Variants in PPP1R16B observed in about 807,000 individuals in gnomAD.
PPP1R16B encodes protein phosphatase 1 regulatory subunit 16B.
In PPP1R16B, 14 loss-of-function variants were observed where a neutral mutation model predicts 61.7. The observed-to-expected ratio is 0.23, with a 90% confidence interval of 0.15 to 0.35. The LOEUF (loss-of-function observed/expected upper bound fraction) is 0.35, where lower values mean the gene tolerates loss of function less well. Ranked by LOEUF, PPP1R16B falls within the 10% of genes least tolerant of loss-of-function variation. The pLI, the probability that PPP1R16B is intolerant of heterozygous loss-of-function variation, is 1.00. For missense variants in PPP1R16B, 547 were observed against 752.5 expected, an observed-to-expected ratio of 0.73 and a Z score of 3.19; for synonymous variants, 266 against 305.3, an observed-to-expected ratio of 0.87 and a Z score of 1.34.
chr20:38,881,407 C>T (rs1029616693), intron 2 of PPP1R16B, among the ~76,000 whole-genome samples: 23 of 152,174 alleles, frequency 1.5e-4, no homozygotes, highest in African/African-American at 5.1e-4. Context: ...GGCCCTTTGG[C>T]GTTATCAGAG....
chr20:38,895,890 C>T (rs1230424246), intron 4 of PPP1R16B, among the ~76,000 whole-genome samples, 180 bp downstream of exon 4: 1 of 106,160 alleles, frequency 9.4e-6, no homozygotes, highest in Non-Finnish European at 2.0e-5. Flanking sequence ...TTCTTTCTTC[C>T]CTCCCTCCCT....
chr20:38,819,916 A>T (rs2084762095), intron 1 of PPP1R16B, among the ~76,000 whole-genome samples: 1 of 151,984 alleles, frequency 6.6e-6, no homozygotes, highest in Non-Finnish European at 1.5e-5. Flanking sequence ...TGCTACCAGC[A>T]CTCCAGAAGC....
rs796846140 is a variant in PPP1R16B at position 38,906,304 on chromosome 20, T to G, written c.822+210T>G. Among the ~76,000 whole-genome samples the G allele has an allele frequency of 5.0e-3, 717 of 143,974 alleles. 8 individuals are homozygous for G. The highest frequency in any genetic ancestry group is 0.016 in the Admixed American group (237 of 14,544). The allele number at this position is 143,974 out of a possible 152,430, so 94.5% of individuals were successfully genotyped here. ...TTGTGTTTTTTTTTTTTTTTTTTTT[T>G]TTTTTTTGAGATGGAGTCTTGATCT... On this transcript the variant is annotated intron_variant, in intron 7 of 10. Coordinates refer to ENST00000299824, the MANE Select transcript of PPP1R16B (RefSeq NM_015568.4).
intron 1 of PPP1R16B, among the ~76,000 whole-genome samples, chr20:38,823,648 A>T (rs2084786518): frequency 6.6e-6 from 1 of 151,920 alleles, no homozygotes; most frequent in Non-Finnish European, 1.5e-5. Context: ...AAAAAAAAAA[A>T]GAACAAAACA....
At chr20:38,887,844 G>C (rs758187022) in intron 2 of PPP1R16B, among the ~76,000 whole-genome samples, 9 of 152,142 alleles carry the variant, frequency 5.9e-5, no homozygotes, top group Admixed American at 5.9e-4. Context: ...TCCCCTTCAC[G>C]CAGGGCCTCG....
intron 2 of PPP1R16B, 43 bp downstream of exon 2, chr20:38,836,218 C>T (rs1420354420): frequency 1.3e-6 from 2 of 1,578,400 alleles, no homozygotes; most frequent in East Asian, 4.5e-5. Flanking sequence ...CTGCCTTGGC[C>T]TCTGATCAGG....
chr20:38,815,535 G>A (rs1265339723), intron 1 of PPP1R16B, among the ~76,000 whole-genome samples: 1 of 152,172 alleles, frequency 6.6e-6, no homozygotes, highest in Non-Finnish European at 1.5e-5. Context: ...TATTCATAAG[G>A]AAAATTCCTG....
intron 2 of PPP1R16B, among the ~76,000 whole-genome samples, chr20:38,845,344 G>A (rs2084930720): frequency 6.6e-6 from 1 of 152,170 alleles, no homozygotes; most frequent in Non-Finnish European, 1.5e-5. Context: ...AGCATTGGGA[G>A]GCTGAGGTGG....
intron 2 of PPP1R16B, among the ~76,000 whole-genome samples, chr20:38,855,033 G>T (rs1487075654): frequency 1.3e-5 from 2 of 152,158 alleles, no homozygotes; most frequent in African/African-American, 4.8e-5. Context: ...TTGGAAGCCA[G>T]TGGGAAGTGA....
At chr20:38,838,277 G>A (rs1287970909) in intron 2 of PPP1R16B, 1 of 152,440 alleles carries the variant, frequency 6.6e-6, no homozygotes, top group East Asian at 1.9e-4. Flanking sequence ...CCCTGGAGAG[G>A]CCTAGCCATG....
chr20:38,835,789 C>T (rs1046971538), intron 1 of PPP1R16B, 36 bp from the exon 2 acceptor site: 2 of 1,064,074 alleles, frequency 1.9e-6, no homozygotes, highest in Non-Finnish European at 2.6e-6. Flanking sequence ...TGGAGTCTGA[C>T]ACATGTGTTC....
At chr20:38,849,851 T>C (rs1453252926) in intron 2 of PPP1R16B, among the ~76,000 whole-genome samples, 1 of 152,172 alleles carries the variant, frequency 6.6e-6, no homozygotes, top group Admixed American at 6.5e-5. Flanking sequence ...ACACGGTTGA[T>C]TTTTAACATT....
At chr20:38,900,094 A>G (rs904203594) in intron 4 of PPP1R16B, among the ~76,000 whole-genome samples, 3 of 152,196 alleles carry the variant, frequency 2.0e-5, no homozygotes, top group Admixed American at 2.0e-4. Flanking sequence ...GTGCCCGGTC[A>G]TGTCTGAGTC....
rs1351137485 is a variant in PPP1R16B at position 38,907,945 on chromosome 20, G to C, written c.1028+10G>C. ...GCGCAGGCAGCCGTGGGTGAGTCCG[G>C]GGCAGGGCAGCCAGGAGTCCCTGTG... is the stretch of plus-strand genomic sequence containing the variant. On this transcript the variant is annotated intron_variant, in intron 9 of 10. Transcript: ENST00000299824. The surrounding 1 kb of genome is among the most constrained non-coding windows in gnomAD (Gnocchi z 4.5). 1 of 1,614,118 alleles carries C rather than the reference G, an allele frequency of 6.2e-7. No homozygotes were observed. The highest frequency in any genetic ancestry group is 8.5e-7 in the Non-Finnish European group (1 of 1,180,002).
At position 38,906,356 on chromosome 20, in the gene PPP1R16B, C is replaced by T. The variant is rs188200901; in HGVS notation, c.822+262C>T. Among the ~76,000 whole-genome samples, 34 of 127,444 alleles carry T rather than the reference C, an allele frequency of 2.7e-4. 2 individuals are homozygous for T. In the East Asian group the frequency reaches 9.1e-3, roughly 34 times the overall value. The allele number at this position is 127,444 out of a possible 152,430, so 83.6% of individuals were successfully genotyped here. A position where few individuals can be genotyped will look rare whatever the true frequency, so the allele number is the denominator to read the frequency against. On this transcript the variant is annotated intron_variant, in intron 7 of 10. Transcript: ENST00000299824. ...TCACCCAGGCTGGAGTGCAGTGGTG[C>T]AATCTCATCTCACTGCAACCTCCAT...
At chr20:38,837,924 A>G (rs1280866892) in intron 2 of PPP1R16B, among the ~76,000 whole-genome samples, 2 of 152,208 alleles carry the variant, frequency 1.3e-5, no homozygotes, top group Non-Finnish European at 2.9e-5. Context: ...CTCATGAGCT[A>G]GATATCATGA....
intron 2 of PPP1R16B, among the ~76,000 whole-genome samples, chr20:38,886,793 C>T (rs1186869054): frequency 1.3e-5 from 2 of 152,154 alleles, no homozygotes; most frequent in Admixed American, 6.5e-5. Context: ...TAGAGGGCTG[C>T]CAATTGGGTC....
In PPP1R16B at chr20:38,910,779, C is replaced by T. The variant is rs1268401051; in HGVS notation, c.1194+2586C>T. On this transcript the variant is annotated intron_variant, in intron 10 of 10. Coordinates refer to ENST00000299824, the MANE Select transcript of PPP1R16B (RefSeq NM_015568.4). ...TTGGGAGGCCGAGGTGGGTGGATCA[C>T]AAGGTCAAGAGATCGAGACCATCCT... Among the ~76,000 whole-genome samples the T allele has an allele frequency of 2.6e-5, 4 of 152,058 alleles. No homozygotes were observed. The East Asian group carries it at 7.7e-4, about 29-fold the overall frequency.
intron 10 of PPP1R16B, among the ~76,000 whole-genome samples, chr20:38,917,309 AAAG>A (rs1333251808): frequency 4.5e-4 from 69 of 152,264 alleles, no homozygotes; most frequent in African/African-American, 1.6e-3. Flanking sequence ...AAAAAAAAAA[AAAG>A]GACTTTTAAG....
Sources: gnomAD v4.1 joint callset for allele counts (sites outside exome capture counted in the v4.1 genomes callset) on GRCh38, gnomAD v4.1.1 for gene constraint, Gnocchi (gnomAD v3.1) non-coding constraint, MANE v1.5 for transcripts, NCBI Gene and HGNC (gene_info 2026-07-23, HGNC 2026-07-21) for gene names.